Variants in SPOCK3 observed in about 807,000 individuals in gnomAD.
The protein encoded by SPOCK3 is SPARC (osteonectin), cwcv and kazal like domains proteoglycan 3.
SPOCK3 carries 30 observed loss-of-function variants against 56.6 expected under a neutral mutation model. The ratio of observed to expected loss-of-function variants is 0.53; its 90% confidence interval spans 0.40 to 0.72. SPOCK3 has a LOEUF of 0.72. Ranked by LOEUF, SPOCK3 falls within the 30% of genes least tolerant of loss-of-function variation. SPOCK3 has a pLI of 0.00. For synonymous variants in SPOCK3, 196 were observed against 183.3 expected (o/e 1.07, Z -0.56); for missense variants, 527 against 530.0 (o/e 0.99, Z 0.06).
chr4:167,119,823 G>T, intron 2 of SPOCK3: 1 of 1,534,412 alleles, frequency 6.5e-7, no homozygotes. Context: ...ATGTGGATGT[G>T]ATCTTGTGTG....
intron 2 of SPOCK3, among the ~76,000 whole-genome samples, chr4:167,223,624 C>A (rs1736290595): frequency 6.6e-6 from 1 of 151,832 alleles, no homozygotes; most frequent in Non-Finnish European, 1.5e-5. Flanking sequence ...AACAGTTGCA[C>A]ATTCCATATG....
intron 4 of SPOCK3, among the ~76,000 whole-genome samples, chr4:166,941,282 T>A (rs34374004): frequency 0.12 from 18,200 of 152,138 alleles, 1,261 homozygotes; most frequent in African/African-American, 0.18. Flanking sequence ...AAAAAATGGA[T>A]CCTTTTCCGT....
At chr4:167,162,671 C>T (rs1765417976) in intron 2 of SPOCK3, among the ~76,000 whole-genome samples, 1 of 151,994 alleles carries the variant, frequency 6.6e-6, no homozygotes, top group South Asian at 2.1e-4. Context: ...AGTGCTGCAG[C>T]TGGGATATAA....
chr4:167,186,142 A>C (rs554705431), intron 2 of SPOCK3, among the ~76,000 whole-genome samples: 1 of 152,272 alleles, frequency 6.6e-6, no homozygotes, highest in African/African-American at 2.4e-5. Flanking sequence ...TTTTCAGAAA[A>C]ACAAAATCAA....
Position 166,958,598 on chromosome 4 carries a change from A to G in SPOCK3, c.350+41751T>C, listed in dbSNP as rs150449906. On this transcript the variant is annotated intron_variant, in intron 4 of 10. Transcript: ENST00000357545. ...ATCCTTTTCTCCTATTACCTTAACT[A>G]CATAGTAAAATATACAGAAGGTGAT... is the stretch of plus-strand genomic sequence containing the variant. 6.3e-4 allele frequency among the ~76,000 whole-genome samples: 96 copies of G among 152,296 alleles called. 3 individuals carry two copies. In the East Asian group the frequency reaches 9.7e-3, roughly 15 times the overall value.
intron 3 of SPOCK3, among the ~76,000 whole-genome samples, chr4:167,059,017 C>G (rs529374567): frequency 0.025 from 3,806 of 152,116 alleles, 79 homozygotes; most frequent in Middle Eastern, 0.061. Flanking sequence ...GGATTAAAGA[C>G]TTAAACGTTA....
intron 3 of SPOCK3, among the ~76,000 whole-genome samples, chr4:167,003,405 A>AT (rs1749144101): frequency 6.6e-6 from 1 of 152,240 alleles, no homozygotes; most frequent in African/African-American, 2.4e-5. Context: ...AGTAGAACTC[A>AT]CATTGTTGGC....
chr4:167,113,550 T>C (rs112069860), intron 2 of SPOCK3, among the ~76,000 whole-genome samples: 1,851 of 152,120 alleles, frequency 0.012, 10 homozygotes, highest in Non-Finnish European at 0.02. Context: ...TCTGAGCAGA[T>C]AGATGGCACA....
intron 3 of SPOCK3, among the ~76,000 whole-genome samples, chr4:167,010,722 T>C (rs141804981): frequency 0.013 from 1,951 of 152,168 alleles, 21 homozygotes; most frequent in Non-Finnish European, 0.019. Context: ...GAATAGTGAA[T>C]TGCAAGAAGC....
intron 4 of SPOCK3, among the ~76,000 whole-genome samples, chr4:166,933,906 C>T (rs1740076823): frequency 6.6e-6 from 1 of 152,110 alleles, no homozygotes; most frequent in African/African-American, 2.4e-5. Context: ...GGACTAGGAA[C>T]AAGAGGAGTG....
intron 6 of SPOCK3, among the ~76,000 whole-genome samples, chr4:166,872,073 CACAT>C (rs1408452642): frequency 1.3e-4 from 19 of 150,060 alleles, no homozygotes; most frequent in East Asian, 1.2e-3. Context: ...CACACACACA[CACAT>C]ATATATATAT....
intron 6 of SPOCK3, among the ~76,000 whole-genome samples, chr4:166,884,490 T>C (rs1260880320): frequency 1.3e-5 from 2 of 152,152 alleles, no homozygotes; most frequent in Non-Finnish European, 2.9e-5. Flanking sequence ...CTATTAAGTA[T>C]AGAAAAAATT....
chr4:166,899,435 T>A (rs1240944168), intron 5 of SPOCK3, among the ~76,000 whole-genome samples: 1 of 151,906 alleles, frequency 6.6e-6, no homozygotes, highest in African/African-American at 2.4e-5. Context: ...ACAGTATTAT[T>A]ACACCTCTGT....
chr4:166,736,190 C>A (rs1482798495), intron 10 of SPOCK3, among the ~76,000 whole-genome samples: 5 of 152,078 alleles, frequency 3.3e-5, no homozygotes, highest in Non-Finnish European at 7.4e-5. Flanking sequence ...CCAACTTCAT[C>A]TACTGTGTTA....
chr4:166,903,331 C>T (rs1427000264), intron 5 of SPOCK3, among the ~76,000 whole-genome samples: 2 of 151,802 alleles, frequency 1.3e-5, no homozygotes, highest in Non-Finnish European at 2.9e-5. Flanking sequence ...CTTAAATGTT[C>T]TCAGCTTTGG....
chr4:166,788,444 G>A (rs1423255399), intron 7 of SPOCK3, among the ~76,000 whole-genome samples: 1 of 151,952 alleles, frequency 6.6e-6, no homozygotes, highest in Non-Finnish European at 1.5e-5. Flanking sequence ...AGCATGCTTT[G>A]TAATTTATAT....
intron 4 of SPOCK3, among the ~76,000 whole-genome samples, chr4:166,921,798 G>A (rs754669210): frequency 6.6e-6 from 1 of 152,116 alleles, no homozygotes; most frequent in African/African-American, 2.4e-5. Flanking sequence ...CTACATAAAT[G>A]TTCTATGAAC....
chr4:167,011,239 A>G (rs1297156253), intron 3 of SPOCK3: 1 of 455,628 alleles, frequency 2.2e-6, no homozygotes, highest in South Asian at 1.6e-5. Context: ...GTACTAATCC[A>G]AAGGAAGGCA....
intron 2 of SPOCK3, among the ~76,000 whole-genome samples, chr4:167,089,521 A>G (rs1465223454): frequency 1.2e-4 from 18 of 152,114 alleles, no homozygotes; most frequent in Non-Finnish European, 1.5e-5. Context: ...ACAAAATCTA[A>G]AGTTAAGGCC....
Sources: gnomAD v4.1 joint callset for allele counts (sites outside exome capture counted in the v4.1 genomes callset) on GRCh38, gnomAD v4.1.1 for gene constraint, MANE v1.5 for transcripts, NCBI Gene and HGNC (gene_info 2026-07-23, HGNC 2026-07-21) for gene names.